INPP5A: variants seen among roughly 807,000 people sequenced by gnomAD.
INPP5A encodes the protein 43 kDa inositol polyphosphate 5-phophatase.
In INPP5A, 14 loss-of-function variants were observed where a neutral mutation model predicts 65.2. That is an observed-to-expected ratio of 0.21 (90% CI 0.14 to 0.34). The LOEUF is 0.34. Ranked by LOEUF, INPP5A falls within the 10% of genes least tolerant of loss-of-function variation. The probability of loss-of-function intolerance (pLI) is 1.00; values close to 1 mark genes in which losing one functional copy is unlikely to be tolerated. For synonymous variants in INPP5A, 207 were observed against 208.3 expected (o/e 0.99, Z 0.05); for missense variants, 431 against 545.6 (o/e 0.79, Z 2.09).
At chr10:132,703,081 G>A (rs1018720214) in intron 6 of INPP5A, among the ~76,000 whole-genome samples, 2 of 152,070 alleles carry the variant, frequency 1.3e-5, no homozygotes, top group Admixed American at 6.5e-5. Context: ...CGGACTCACC[G>A]TTTCTCCCAG....
At position 132,663,386 on chromosome 10, in the gene INPP5A, T is replaced by TA. The variant is rs1027956196; in HGVS notation, c.306+12890dup. On this transcript the variant is annotated intron_variant, in intron 4 of 15. Transcript: ENST00000368594. The surrounding 1 kb of genome is among the most constrained non-coding windows in gnomAD (Gnocchi z 4.5). ...ACAGGTGTGCATCACCACGCCTGGC[T>TA]AAAAAAAAACTGTTTATAGAGACTG... Among the ~76,000 whole-genome samples the TA allele has an allele frequency of 2.6e-4, 39 of 151,008 alleles. No homozygotes were observed. Among genetic ancestry groups the TA allele is most frequent in the African/African-American group, 8.3e-4 (34 of 41,094 alleles).
Position 132,650,435 on chromosome 10 carries a change from A to G in INPP5A, c.236A>G (p.Asp79Gly). ...DKFVKELLSS[D>G]AMKEYNRARV... Reference sequence around the variant, plus strand: ...CCTTCCAGAGAACTATTGTCGAGTGATGCGATGAAAGAATATAACAGGGCT... The same window carrying G: ...CCTTCCAGAGAACTATTGTCGAGTGGTGCGATGAAAGAATATAACAGGGCT... Residue 79 changes from aspartate (D) to glycine (G), a missense_variant, in exon 4 of 16, where the codon GAT (aspartate) becomes GGT (glycine). Coordinates refer to ENST00000368594, the MANE Select transcript of INPP5A (RefSeq NM_005539.5). The surrounding 1 kb of genome is among the most constrained non-coding windows in gnomAD (Gnocchi z 5.5). The G allele has an allele frequency of 1.9e-6, 3 of 1,613,648 alleles. No individual in the cohort carries two copies. The highest frequency in any genetic ancestry group is 2.5e-6 in the Non-Finnish European group (3 of 1,179,578).
intron 1 of INPP5A, among the ~76,000 whole-genome samples, chr10:132,556,369 G>A (rs2071125732): frequency 6.6e-6 from 1 of 152,160 alleles, no homozygotes; most frequent in Non-Finnish European, 1.5e-5. Context: ...AGCCCTCTCC[G>A]TGCACCTCCA....
chr10:132,630,573 A>AGGAAGATGTCCATGAGG (rs1564941085), intron 2 of INPP5A, among the ~76,000 whole-genome samples: 2 of 128,438 alleles, frequency 1.6e-5, no homozygotes, highest in African/African-American at 6.1e-5. Flanking sequence ...CATCCATGAG[A>AGGAAGATGTCCATGAGG]GGAAGACGTC....
chr10:132,715,233 G>A (rs1358846128), intron 8 of INPP5A, among the ~76,000 whole-genome samples: 1 of 152,206 alleles, frequency 6.6e-6, no homozygotes, highest in African/African-American at 2.4e-5. Flanking sequence ...TAAGTGACGG[G>A]ACTCTTTGTC....
At chr10:132,724,525 C>A (rs1845949566) in intron 8 of INPP5A, among the ~76,000 whole-genome samples, 1 of 152,198 alleles carries the variant, frequency 6.6e-6, no homozygotes, top group African/African-American at 2.4e-5. Context: ...AAGGCCAGCC[C>A]CAGGCCAGCA....
At chr10:132,768,735 C>A (rs927009873) in intron 12 of INPP5A, among the ~76,000 whole-genome samples, 1 of 152,252 alleles carries the variant, frequency 6.6e-6, no homozygotes, top group African/African-American at 2.4e-5. Context: ...GCCATCTGTA[C>A]CTGCTGGTCT....
chr10:132,690,796 G>A lies in INPP5A; in HGVS notation c.370+341G>A, dbSNP rs112962209. On this transcript the variant is annotated intron_variant, in intron 5 of 15. Coordinates refer to ENST00000368594, the MANE Select transcript of INPP5A (RefSeq NM_005539.5). ...TTCAGAAATAAGAACAGGCAGGGAC[G>A]GTCCTCCCTGCCGTGAACAGCATCC... Among the ~76,000 whole-genome samples the A allele has an allele frequency of 4.0e-3, 605 of 152,258 alleles. 3 individuals carry two copies. The highest frequency in any genetic ancestry group is 0.014 in the African/African-American group (583 of 41,546).
At chr10:132,653,093 G>A (rs377079750) in intron 4 of INPP5A, among the ~76,000 whole-genome samples, 4 of 152,208 alleles carry the variant, frequency 2.6e-5, no homozygotes, top group South Asian at 2.1e-4. Context: ...AGGCACCCGC[G>A]TGCTGGGCCC....
At chr10:132,557,797 G>C (rs2071146102) in intron 1 of INPP5A, among the ~76,000 whole-genome samples, 1 of 152,170 alleles carries the variant, frequency 6.6e-6, no homozygotes, top group Admixed American at 6.5e-5. Context: ...TCTGGGCCTG[G>C]GCGGGGAGGG....
chr10:132,714,954 C>T (rs1174269071), intron 8 of INPP5A, among the ~76,000 whole-genome samples: 1 of 152,222 alleles, frequency 6.6e-6, no homozygotes. Flanking sequence ...GAGGACCAGG[C>T]TCTGGGCAGG....
At chr10:132,625,862 G>GTGTGTGTGTT (rs1564939233) in intron 2 of INPP5A, among the ~76,000 whole-genome samples, 1 of 149,992 alleles carries the variant, frequency 6.7e-6, no homozygotes, top group Non-Finnish European at 1.5e-5. Context: ...GTGTGTGTGT[G>GTGTGTGTGTT]TGTGTGTGTG....
At chr10:132,773,756 TCGAGATACGGGCGAGG>T (rs1276890751) in intron 12 of INPP5A, among the ~76,000 whole-genome samples, 1 of 152,136 alleles carries the variant, frequency 6.6e-6, no homozygotes, top group Non-Finnish European at 1.5e-5. Context: ...CTTTTGTCCC[TCGAGATACGGGCGAGG>T]GGAGCACCCA....
At chr10:132,739,970 C>T (rs1330017262) in intron 9 of INPP5A, among the ~76,000 whole-genome samples, 1 of 152,338 alleles carries the variant, frequency 6.6e-6, no homozygotes, top group East Asian at 1.9e-4. Context: ...GTGAGGCTTC[C>T]TTGGCACTTT....
chr10:132,629,672 G>T (rs1190310940), intron 2 of INPP5A, among the ~76,000 whole-genome samples: 1 of 152,250 alleles, frequency 6.6e-6, no homozygotes, highest in Admixed American at 6.5e-5. Context: ...CTGTGCTGCG[G>T]CAGTTCTCCA....
intron 12 of INPP5A, among the ~76,000 whole-genome samples, chr10:132,772,675 G>A (rs75078789): frequency 1.1e-3 from 77 of 68,172 alleles, no homozygotes; most frequent in African/African-American, 2.7e-3. Flanking sequence ...CACGGCAGCC[G>A]CCCCACGAAG....
rs1845360219 is a variant in INPP5A, at chr10:132,697,298, C to T, written c.371-518C>T. ...GCGAGGCCTGTGTCCCTGGGCCTGG[C>T]CTATCCACTGGGGGGTCCAGGAAAG... is the stretch of plus-strand genomic sequence containing the variant. On this transcript the variant is annotated intron_variant, in intron 5 of 15. Coordinates refer to ENST00000368594, the MANE Select transcript of INPP5A (RefSeq NM_005539.5). This position sits in a 1 kb window ranked among gnomAD's most constrained non-coding sequence, Gnocchi z 5.6. 6.6e-6 allele frequency among the ~76,000 whole-genome samples: 1 copy of T among 152,254 alleles called. No homozygotes were observed.
intron 8 of INPP5A, among the ~76,000 whole-genome samples, chr10:132,720,507 C>T (rs551959289): frequency 2.4e-4 from 33 of 136,720 alleles, no homozygotes; most frequent in African/African-American, 8.5e-4. Flanking sequence ...AGCTGTCTTG[C>T]GGGTTCTTTG....
At chr10:132,779,411 T>G (rs1474228626) in intron 13 of INPP5A, among the ~76,000 whole-genome samples, 1 of 152,220 alleles carries the variant, frequency 6.6e-6, no homozygotes, top group Non-Finnish European at 1.5e-5. Context: ...TGGGAAAACG[T>G]CGGAGGTCAC....
Sources: gnomAD v4.1 joint callset for allele counts (sites outside exome capture counted in the v4.1 genomes callset) on GRCh38, gnomAD v4.1.1 for gene constraint, Gnocchi (gnomAD v3.1) non-coding constraint, MANE v1.5 for transcripts, NCBI Gene and HGNC (gene_info 2026-07-23, HGNC 2026-07-21) for gene names.